The following SEZ6 variants were observed in gnomAD, a reference collection of about 807,000 sequenced individuals.
SEZ6 encodes seizure related 6 homolog.
A neutral mutation model predicts 101.0 loss-of-function variants in SEZ6; 53 were observed. The ratio of observed to expected loss-of-function variants is 0.52; its 90% confidence interval spans 0.42 to 0.66. The LOEUF is 0.66. Ranked by LOEUF, SEZ6 falls within the 30% of genes least tolerant of loss-of-function variation. SEZ6 has a pLI of 0.00. For synonymous variants in SEZ6, 488 were observed against 512.2 expected, an observed-to-expected ratio of 0.95 and a Z score of 0.64; for missense variants, 1,102 against 1,289.4, an observed-to-expected ratio of 0.85 and a Z score of 2.23.
intron 3 of SEZ6, among the ~76,000 whole-genome samples, chr17:28,978,421 G>A (rs1158554742): frequency 6.6e-6 from 1 of 152,236 alleles, no homozygotes; most frequent in Non-Finnish European, 1.5e-5. Flanking sequence ...GTAAACAGTT[G>A]GATGGAAGGC....
rs780952624 is a variant in SEZ6 at position 28,957,566 on chromosome 17, G to T, written c.2303-27C>A. 6.1e-5 allele frequency: 97 copies of T among 1,597,786 alleles called. 1 individual carries two copies. The South Asian group carries it at 1.1e-3, about 18-fold the overall frequency. On this transcript the variant is annotated intron_variant, in intron 11 of 16. Coordinates refer to ENST00000317338, the MANE Select transcript of SEZ6 (RefSeq NM_178860.5). ...TATGGGTAGGGGGTGATGGGGAGAA[G>T]TAGCCCAAGGAGAACTAAGCAGAGG...
intron 3 of SEZ6, 74 bp downstream of exon 3, chr17:28,979,606 C>T (rs2041269554): frequency 3.1e-6 from 5 of 1,595,056 alleles, no homozygotes; most frequent in South Asian, 1.1e-5. Flanking sequence ...CACATCCTCT[C>T]ATAGCATGTG....
In SEZ6 at chr17:28,981,730, G is replaced by A; in HGVS notation, c.365C>T (p.Pro122Leu). ...NQDSRPVFTS[P>L]TPAMAAVPTQ... ...GGGTACCGCAGCCATGGCTGGAGTG[G>A]GGCTGGTAAAGACAGGGCGGCTGTC... Residue 122 changes from proline (P) to leucine (L), a missense_variant, in exon 2 of 17, where the codon CCC (proline) becomes CTC (leucine). Physicochemically the swap from Pro to Leu is moderately conservative, Grantham distance 98. This residue lies in a region of SEZ6 where 406 missense variants were observed against 418.6 expected (regional missense o/e 0.97). Transcript: ENST00000317338. 6.2e-7 allele frequency: 1 copy of A among 1,602,364 alleles called. No homozygotes were observed. The highest frequency in any genetic ancestry group is 8.5e-7 in the Non-Finnish European group (1 of 1,171,276).
rs886528612 is a variant in SEZ6, at chr17:28,955,308, G to A, written c.*654C>T. ...AAAATGGCGTGTCCTGCTTTGGTGT[G>A]GAGCATGAGTGCCCAGGGAAGCCCA... is the stretch of plus-strand genomic sequence containing the variant. On this transcript the variant is annotated 3_prime_UTR_variant, in exon 17 of 17. Transcript: ENST00000317338. 1.3e-5 allele frequency: 3 copies of A among 236,292 alleles called. No homozygotes were observed. The highest frequency in any genetic ancestry group is 2.3e-5 in the African/African-American group (1 of 44,430). The allele number at this position is 236,292 out of a possible 1,614,324, so 14.6% of individuals were successfully genotyped here.
At chr17:28,958,825 C>T (rs1202299348) in intron 10 of SEZ6, among the ~76,000 whole-genome samples, 200 bp downstream of exon 10, 1 of 151,954 alleles carries the variant, frequency 6.6e-6, no homozygotes, top group East Asian at 1.9e-4. Context: ...CTGCTGCCTA[C>T]CCAAACCCCT....
At position 28,959,068 on chromosome 17, in the gene SEZ6, G is replaced by C; in HGVS notation, c.2064C>G (p.Thr688=). The change falls in exon 10 of 17, where the codon ACC becomes ACG. Residue 688 remains threonine (T), a synonymous_variant. Transcript: ENST00000317338. The surrounding 1 kb of genome is among the most constrained non-coding windows in gnomAD (Gnocchi z 4.4). ...AGCCCTGCTGGTAGCCCAGCACTGAGGTCCCGGGGTCCGACTGGAACTGAA... is the reference window on the plus strand; with the variant it reads ...AGCCCTGCTGGTAGCCCAGCACTGACGTCCCGGGGTCCGACTGGAACTGAA... The part of the protein sequence containing the change: ...VTIQFQSDPG[T]SVLGYQQGFV... The C allele has an allele frequency of 6.2e-7, 1 of 1,613,970 alleles. No individual in the cohort carries two copies. Among genetic ancestry groups the C allele is most frequent in the Non-Finnish European group, 8.5e-7 (1 of 1,179,860 alleles).
intron 2 of SEZ6, among the ~76,000 whole-genome samples, chr17:28,980,211 T>C (rs867951607): frequency 1.5e-4 from 22 of 147,862 alleles, no homozygotes; most frequent in East Asian, 7.8e-4. Flanking sequence ...TTCTTTCTTT[T>C]TTTTTTTTTT....
chr17:29,002,712 T>A (rs1214371489), intron 1 of SEZ6, among the ~76,000 whole-genome samples: 1 of 152,074 alleles, frequency 6.6e-6, no homozygotes, highest in Admixed American at 6.6e-5. Context: ...CTAGTATTGG[T>A]TTCAGCAGCA....
chr17:28,961,429 G>A (rs182549648), intron 5 of SEZ6, among the ~76,000 whole-genome samples: 7 of 152,208 alleles, frequency 4.6e-5, no homozygotes, highest in Admixed American at 3.9e-4. Context: ...CCCTTAACTA[G>A]GACCCCCTGG....
rs58063439 is a variant in SEZ6, at chr17:29,005,078, GGTGTGTGT to G, written c.55+729_55+736del. 5.9e-3 allele frequency among the ~76,000 whole-genome samples: 819 copies of G among 137,750 alleles called. 8 individuals are homozygous for G. Among genetic ancestry groups the G allele is most frequent in the African/African-American group, 0.021 (762 of 36,166 alleles). 90.4% of individuals were successfully genotyped at this position (137,750 alleles called of 152,430 possible). ...GGAGGGAGGCAGAGCTCGGGGCAGT[GGTGTGTGT>G]GTGTGTGTGTGTGTGTGTGTGTGTG... On this transcript the variant is annotated intron_variant, in intron 1 of 16. Coordinates refer to ENST00000317338, the MANE Select transcript of SEZ6 (RefSeq NM_178860.5). The surrounding 1 kb of genome is among the most constrained non-coding windows in gnomAD (Gnocchi z 4.8).
chr17:28,961,576 G>A (rs1164782889), intron 5 of SEZ6, among the ~76,000 whole-genome samples: 4 of 152,154 alleles, frequency 2.6e-5, no homozygotes, highest in South Asian at 2.1e-4. Context: ...CATCCGCCCC[G>A]GCCTCACTAC....
Position 28,964,155 on chromosome 17 carries a change from C to T in SEZ6, c.1055-8G>A, listed in dbSNP as rs1349861005. ...GGCAGCTCAGGAGATAGGCTGCAAA[C>T]AGAGAACGGGTGACACTGTGTATGT... On this transcript the variant is annotated splice_polypyrimidine_tract_variant and splice_region_variant and intron_variant, in intron 4 of 16. Transcript: ENST00000317338. The T allele has an allele frequency of 6.4e-7, 1 of 1,573,134 alleles. No homozygotes were observed. The highest frequency in any genetic ancestry group is 8.6e-7 in the Non-Finnish European group (1 of 1,159,874).
intron 1 of SEZ6, among the ~76,000 whole-genome samples, chr17:28,994,521 G>A (rs531104358): frequency 1.3e-5 from 2 of 152,084 alleles, no homozygotes; most frequent in East Asian, 1.9e-4. Context: ...TGATCCGCCC[G>A]CCTCAGCCTC....
intron 1 of SEZ6, among the ~76,000 whole-genome samples, chr17:29,002,816 G>C (rs1186285720): frequency 1.3e-5 from 2 of 152,196 alleles, no homozygotes; most frequent in African/African-American, 4.8e-5. Context: ...GGCAGCCCTC[G>C]TTTGTTAACC....
chr17:28,981,683 C>T lies in SEZ6; in HGVS notation c.412G>A (p.Gly138Arg). The change falls in exon 2 of 17, where the codon GGA becomes AGA. Residue 138 changes from glycine (G) to arginine (R), a missense_variant. By Grantham distance (125) the Gly-to-Arg change is moderately radical. This residue lies in a region of SEZ6 where 406 missense variants were observed against 418.6 expected (regional missense o/e 0.97). Coordinates refer to ENST00000317338, the MANE Select transcript of SEZ6 (RefSeq NM_178860.5). ...GACTCTGACTCCGGACTCCAGGGTC[C>T]CTCCTTGGACTGGGGCTGAGTGGGT... is the stretch of plus-strand genomic sequence containing the variant. ...AVPTQPQSKE[G>R]PWSPESESPM... 2 of 1,577,810 alleles carry T rather than the reference C, an allele frequency of 1.3e-6. No homozygotes were observed. Among genetic ancestry groups the T allele is most frequent in the Non-Finnish European group, 1.7e-6 (2 of 1,157,518 alleles).
At chr17:28,958,897 C>G (rs527402182) in intron 10 of SEZ6, 128 bp downstream of exon 10, 12 of 1,070,664 alleles carry the variant, frequency 1.1e-5, no homozygotes, top group African/African-American at 1.6e-5. Context: ...TAGCTTCCTC[C>G]AGGTGATCCC....
At chr17:28,966,709 G>T (rs548574138) in intron 4 of SEZ6, among the ~76,000 whole-genome samples, 1 of 152,206 alleles carries the variant, frequency 6.6e-6, no homozygotes, top group South Asian at 2.1e-4. Context: ...CTGTTCCTGG[G>T]TGCCTTTGTG....
At chr17:28,997,811 C>G (rs1400180074) in intron 1 of SEZ6, among the ~76,000 whole-genome samples, 4 of 152,142 alleles carry the variant, frequency 2.6e-5, no homozygotes, top group African/African-American at 7.2e-5. Flanking sequence ...GGGTGTGACA[C>G]AACTTGCCCA....
intron 1 of SEZ6, among the ~76,000 whole-genome samples, chr17:29,001,677 A>C (rs2041616284): frequency 6.6e-6 from 1 of 152,184 alleles, no homozygotes. Context: ...ACTGAAGCTA[A>C]AACTCCTTTG....
Sources: gnomAD v4.1 joint callset for allele counts (sites outside exome capture counted in the v4.1 genomes callset) on GRCh38, gnomAD v4.1.1 for gene constraint, gnomAD v4.1.1 regional missense constraint, Gnocchi (gnomAD v3.1) non-coding constraint, MANE v1.5 for transcripts, NCBI Gene and HGNC (gene_info 2026-07-23, HGNC 2026-07-21) for gene names.